Variants in NEGR1 observed in about 807,000 individuals in gnomAD.
The protein encoded by NEGR1 is neuronal growth regulator 1.
A neutral mutation model predicts 40.9 loss-of-function variants in NEGR1; 10 were observed. The ratio of observed to expected loss-of-function variants is 0.24; its 90% confidence interval spans 0.15 to 0.42. The LOEUF (loss-of-function observed/expected upper bound fraction) is 0.42. Among genes scored for constraint, NEGR1 ranks in the 10% least tolerant of loss-of-function variants. NEGR1 has a pLI of 1.00. For missense variants in NEGR1, 352 were observed against 438.9 expected (o/e 0.80, Z 1.77); for synonymous variants, 185 against 166.8 (o/e 1.11, Z -0.84).
At chr1:71,879,134 G>GA (rs58438323) in intron 2 of NEGR1, among the ~76,000 whole-genome samples, 6,667 of 135,888 alleles carry the variant, frequency 0.049, 398 homozygotes, top group East Asian at 0.3. Flanking sequence ...ACTCTGTCTC[G>GA]AAAAAAAAAA....
chr1:71,430,767 C>G (rs1433448930), intron 6 of NEGR1, among the ~76,000 whole-genome samples: 2 of 135,496 alleles, frequency 1.5e-5, no homozygotes, highest in Admixed American at 1.7e-4. Flanking sequence ...AGTGCAGTGG[C>G]GCGATCTCGG....
intron 6 of NEGR1, among the ~76,000 whole-genome samples, chr1:71,500,123 A>G (rs550497720): frequency 6.6e-6 from 1 of 152,242 alleles, no homozygotes; most frequent in South Asian, 2.1e-4. Flanking sequence ...CTATATAAAT[A>G]TACCTCAAGA....
intron 1 of NEGR1, among the ~76,000 whole-genome samples, chr1:72,265,073 A>G (rs1377515263): frequency 6.6e-6 from 1 of 150,986 alleles, no homozygotes. Context: ...CTAATTAATC[A>G]AAGTTGAATA....
intron 3 of NEGR1, among the ~76,000 whole-genome samples, chr1:71,716,222 TACCCCCATGATTAA>T (rs919054762): frequency 2.0e-4 from 30 of 152,196 alleles, no homozygotes; most frequent in South Asian, 8.3e-4. Flanking sequence ...TGGGGGAAGC[TACCCCCATGATTAA>T]ATTATCTCCA....
At chr1:72,161,676 C>CTTTTTTTTTT (rs779074685) in intron 1 of NEGR1, among the ~76,000 whole-genome samples, 47 of 84,564 alleles carry the variant, frequency 5.6e-4, no homozygotes, top group African/African-American at 1.3e-3. Flanking sequence ...TTCTTTCTTT[C>CTTTTTTTTTT]TTTTTTTTTT....
intron 1 of NEGR1, among the ~76,000 whole-genome samples, chr1:72,227,379 T>C (rs1383777347): frequency 6.6e-6 from 1 of 151,784 alleles, no homozygotes; most frequent in Non-Finnish European, 1.5e-5. Context: ...TAAGAGTAGG[T>C]GGACTGAGAC....
chr1:71,778,870 T>A (rs765592845), intron 2 of NEGR1, among the ~76,000 whole-genome samples: 6 of 152,200 alleles, frequency 3.9e-5, no homozygotes, highest in Non-Finnish European at 7.3e-5. Context: ...TAAACTAATA[T>A]TCAGCACTAG....
At chr1:72,123,363 T>C (rs576537507) in intron 1 of NEGR1, among the ~76,000 whole-genome samples, 1 of 151,844 alleles carries the variant, frequency 6.6e-6, no homozygotes, top group African/African-American at 2.4e-5. Context: ...AAAAAATCCC[T>C]GTAGGAGCAC....
intron 3 of NEGR1, among the ~76,000 whole-genome samples, chr1:71,726,245 T>C (rs563402637): frequency 6.6e-6 from 1 of 152,256 alleles, no homozygotes; most frequent in South Asian, 2.1e-4. Flanking sequence ...GTGGATTTTT[T>C]TATCCCCACC....
chr1:72,067,032 T>C (rs1477377754), intron 1 of NEGR1, among the ~76,000 whole-genome samples: 1 of 152,126 alleles, frequency 6.6e-6, no homozygotes, highest in African/African-American at 2.4e-5. Context: ...TCTGCATAAA[T>C]GTACCTTACA....
chr1:72,244,492 T>C (rs1654842867), intron 1 of NEGR1, among the ~76,000 whole-genome samples: 2 of 151,974 alleles, frequency 1.3e-5, no homozygotes, highest in South Asian at 2.1e-4. Context: ...TATATATGTA[T>C]GTAAACACAC....
chr1:71,949,855 A>G (rs76928433), intron 1 of NEGR1, among the ~76,000 whole-genome samples: 18,306 of 152,094 alleles, frequency 0.12, 1,151 homozygotes, highest in South Asian at 0.18. Context: ...CACTGAAAGG[A>G]GAACAAACTG....
At chr1:71,532,659 T>G (rs914888234) in intron 6 of NEGR1, among the ~76,000 whole-genome samples, 2 of 151,512 alleles carry the variant, frequency 1.3e-5, no homozygotes, top group Non-Finnish European at 3.0e-5. Context: ...CAGAATGAAA[T>G]CAAAGACGTA....
intron 6 of NEGR1, among the ~76,000 whole-genome samples, chr1:71,553,199 A>G (rs890275630): frequency 6.6e-6 from 1 of 151,554 alleles, no homozygotes. Context: ...AAGTGCCAAA[A>G]TATCTTAACT....
At chr1:71,440,990 A>G (rs1646543288) in intron 6 of NEGR1, among the ~76,000 whole-genome samples, 1 of 151,386 alleles carries the variant, frequency 6.6e-6, no homozygotes. Flanking sequence ...ATCAATTAAA[A>G]GACAGAATTT....
chr1:72,118,607 G>T (rs1649671585), intron 1 of NEGR1, among the ~76,000 whole-genome samples: 1 of 151,736 alleles, frequency 6.6e-6, no homozygotes, highest in Non-Finnish European at 1.5e-5. Context: ...TGGTCATTCT[G>T]CAATATTGCT....
intron 1 of NEGR1, among the ~76,000 whole-genome samples, chr1:72,038,634 T>C (rs969455959): frequency 1.3e-5 from 2 of 152,036 alleles, no homozygotes; most frequent in Non-Finnish European, 2.9e-5. Flanking sequence ...AAGCTTATAA[T>C]CTTTTAAAAT....
chr1:71,717,688 T>C (rs533563188), intron 3 of NEGR1, among the ~76,000 whole-genome samples: 1 of 152,328 alleles, frequency 6.6e-6, no homozygotes, highest in Admixed American at 6.5e-5. Context: ...TGTGTACCCC[T>C]GAAATTCATA....
chr1:71,878,150 A>T (rs552377178), intron 2 of NEGR1, among the ~76,000 whole-genome samples: 2 of 152,256 alleles, frequency 1.3e-5, no homozygotes, highest in South Asian at 4.2e-4. Flanking sequence ...TCAATAAATA[A>T]TATCAAATCA....
Sources: gnomAD v4.1 joint callset for allele counts (sites outside exome capture counted in the v4.1 genomes callset) on GRCh38, gnomAD v4.1.1 for gene constraint, MANE v1.5 for transcripts, NCBI Gene and HGNC (gene_info 2026-07-23, HGNC 2026-07-21) for gene names.